The following LDB2 variants were observed in gnomAD, a reference collection of about 807,000 sequenced individuals.
LDB2 encodes LIM domain binding 2.
LDB2 carries 12 observed loss-of-function variants against 44.3 expected under a neutral mutation model. The observed-to-expected ratio is 0.27, with a 90% CI of 0.17 to 0.44. LDB2 has a LOEUF of 0.44. Among genes scored for constraint, LDB2 ranks in the 20% least tolerant of loss-of-function variants. LDB2 has a pLI of 1.00. For missense variants in LDB2, 344 were observed against 473.5 expected (o/e 0.73, Z 2.54); for synonymous variants, 164 against 174.8 (o/e 0.94, Z 0.49).
chr4:16,780,090 A>G, intron 1 of LDB2, among the ~76,000 whole-genome samples: 1 of 152,218 alleles, frequency 6.6e-6, no homozygotes, highest in East Asian at 1.9e-4. Context: ...AACCTTATGC[A>G]GCTCAAAATT....
At chr4:16,599,651 A>G (rs546025073) in intron 2 of LDB2, among the ~76,000 whole-genome samples, 7 of 152,156 alleles carry the variant, frequency 4.6e-5, no homozygotes, top group Non-Finnish European at 1.0e-4. Flanking sequence ...AAACACACGC[A>G]TACACCATGC....
chr4:16,543,658 A>T (rs534496221), intron 5 of LDB2, among the ~76,000 whole-genome samples: 2 of 152,258 alleles, frequency 1.3e-5, no homozygotes, highest in African/African-American at 2.4e-5. Context: ...AACCATAAAA[A>T]CCCTAGAAGA....
In LDB2 at chr4:16,801,892, C is replaced by T. The variant is rs187010301; in HGVS notation, c.133-42632G>A. Among the ~76,000 whole-genome samples, 363 of 152,264 alleles carry T rather than the reference C, an allele frequency of 2.4e-3. 1 individual carries two copies. Among genetic ancestry groups the T allele is most frequent in the Middle Eastern group, 0.02 (6 of 294 alleles). On this transcript the variant is annotated intron_variant, in intron 1 of 7. Coordinates refer to ENST00000304523, the MANE Select transcript of LDB2 (RefSeq NM_001290.5). ...AGTGAATCATTTTTGAATGGACTGT[C>T]CCATCTCTACCTTTAGTTATCATTT...
Position 16,857,967 on chromosome 4 carries a change from AAT to A in LDB2, c.132+40385_132+40386del, listed in dbSNP as rs1343518947. On this transcript the variant is annotated intron_variant, in intron 1 of 7. Transcript: ENST00000304523. ...ATGCCTGGGACTTGGTTGTTCAATA[AAT>A]ATATTGACTGAATGAGCCTCAGTTT... Among the ~76,000 whole-genome samples the A allele has an allele frequency of 1.1e-4, 16 of 151,998 alleles. No individual in the cohort carries two copies. The South Asian group carries it at 1.5e-3, about 14-fold the overall frequency.
chr4:16,648,402 G>A (rs374848028), intron 2 of LDB2, among the ~76,000 whole-genome samples: 178 of 152,314 alleles, frequency 1.2e-3, no homozygotes, highest in African/African-American at 4.1e-3. Flanking sequence ...ATAGTCTAAG[G>A]TGTGTGCCCT....
At chr4:16,536,296 T>C (rs1731836597) in intron 5 of LDB2, among the ~76,000 whole-genome samples, 1 of 152,102 alleles carries the variant, frequency 6.6e-6, no homozygotes, top group Non-Finnish European at 1.5e-5. Flanking sequence ...GGAAGATGAG[T>C]AGCTAGGAAA....
intron 2 of LDB2, among the ~76,000 whole-genome samples, chr4:16,740,522 T>C (rs1763026802): frequency 1.3e-5 from 2 of 152,248 alleles, no homozygotes; most frequent in South Asian, 2.1e-4. Context: ...TTGCCCTTCC[T>C]GCTGCTAAAA....
chr4:16,897,913 T>C (rs1245488598), intron 1 of LDB2, among the ~76,000 whole-genome samples: 5 of 15,686 alleles, frequency 3.2e-4, no homozygotes, highest in South Asian at 1.4e-3. Context: ...TATATATATA[T>C]ATATATATAT....
intron 5 of LDB2, among the ~76,000 whole-genome samples, chr4:16,576,689 C>T (rs1162439123): frequency 6.6e-6 from 1 of 152,116 alleles, no homozygotes; most frequent in Non-Finnish European, 1.5e-5. Context: ...GAAACTATTC[C>T]AACAAATAGA....
In LDB2 at chr4:16,588,843, C is replaced by T. The variant is rs774846224; in HGVS notation, c.409-11G>A. On this transcript the variant is annotated splice_polypyrimidine_tract_variant and intron_variant, in intron 3 of 7. Coordinates refer to ENST00000304523, the MANE Select transcript of LDB2 (RefSeq NM_001290.5). The stretch of plus-strand genomic sequence containing the variant: ...GCCTTCTGTACATACCTGGAAGTGA[C>T]AAACCACACAGTCATTCATTACGCA... 3 of 1,612,296 alleles carry T rather than the reference C, an allele frequency of 1.9e-6. No homozygotes were observed. Among genetic ancestry groups the T allele is most frequent in the Non-Finnish European group, 2.5e-6 (3 of 1,179,408 alleles).
chr4:16,849,526 A>C (rs1787770067), intron 1 of LDB2, among the ~76,000 whole-genome samples: 1 of 152,180 alleles, frequency 6.6e-6, no homozygotes, highest in South Asian at 2.1e-4. Context: ...ACCCAAAGGC[A>C]ATGTCTAAAG....
intron 2 of LDB2, among the ~76,000 whole-genome samples, chr4:16,706,344 C>T (rs1024542147): frequency 6.6e-6 from 1 of 152,100 alleles, no homozygotes; most frequent in African/African-American, 2.4e-5. Flanking sequence ...TAAAAGAAGC[C>T]CGAGAGAGGT....
chr4:16,776,465 G>T (rs1165916085), intron 1 of LDB2, among the ~76,000 whole-genome samples: 1 of 152,182 alleles, frequency 6.6e-6, no homozygotes, highest in Non-Finnish European at 1.5e-5. Flanking sequence ...AAAGTCCAAG[G>T]ACAGTCTCCA....
At chr4:16,756,343 G>T (rs893880427) in intron 2 of LDB2, among the ~76,000 whole-genome samples, 4 of 151,998 alleles carry the variant, frequency 2.6e-5, no homozygotes, top group Non-Finnish European at 4.4e-5. Context: ...CCTGCTACTC[G>T]GTAGGGAGGC....
chr4:16,520,887 C>G (rs1725831896), intron 5 of LDB2, among the ~76,000 whole-genome samples: 1 of 152,164 alleles, frequency 6.6e-6, no homozygotes, highest in African/African-American at 2.4e-5. Context: ...CCCTTCTGTT[C>G]TGTTCTTTAC....
intron 1 of LDB2, among the ~76,000 whole-genome samples, chr4:16,769,025 A>C (rs142443740): frequency 6.6e-5 from 10 of 152,320 alleles, no homozygotes; most frequent in African/African-American, 2.4e-4. Flanking sequence ...TATTCAAAAC[A>C]ATATCTCTAA....
intron 2 of LDB2, among the ~76,000 whole-genome samples, chr4:16,619,684 G>C (rs1303333937): frequency 2.0e-5 from 3 of 152,098 alleles, no homozygotes; most frequent in African/African-American, 7.2e-5. Flanking sequence ...GCAATTTCAG[G>C]CTGTGGATTT....
chr4:16,728,464 GCATTAA>G (rs1453516598), intron 2 of LDB2, among the ~76,000 whole-genome samples: 1 of 139,592 alleles, frequency 7.2e-6, no homozygotes, highest in African/African-American at 2.7e-5. Context: ...ATCAGGCAGA[GCATTAA>G]CATTAACTCC....
intron 2 of LDB2, among the ~76,000 whole-genome samples, chr4:16,613,746 C>T (rs1490319930): frequency 1.3e-5 from 2 of 152,092 alleles, no homozygotes; most frequent in African/African-American, 2.4e-5. Flanking sequence ...GAACTACAAA[C>T]CACTGCTCAA....
Sources: gnomAD v4.1 joint callset for allele counts (sites outside exome capture counted in the v4.1 genomes callset) on GRCh38, gnomAD v4.1.1 for gene constraint, MANE v1.5 for transcripts, NCBI Gene and HGNC (gene_info 2026-07-23, HGNC 2026-07-21) for gene names.